NCOA1: variants seen among roughly 807,000 people sequenced by gnomAD.
NCOA1 encodes Hin-2 protein.
In NCOA1, 35 loss-of-function variants were observed where a neutral mutation model predicts 150.9. The observed-to-expected ratio is 0.23, with a 90% confidence interval of 0.18 to 0.31. The LOEUF is 0.31. Ranked by LOEUF, NCOA1 falls within the 10% of genes least tolerant of loss-of-function variation. The pLI is 1.00. For synonymous variants in NCOA1, 590 were observed against 630.0 expected, an observed-to-expected ratio of 0.94 and a Z score of 0.95; for missense variants, 1,491 against 1,749.3, an observed-to-expected ratio of 0.85 and a Z score of 2.63.
rs1015634705 is a variant in NCOA1, at chr2:24,683,140, T to C, written c.532+12T>C. The C allele has an allele frequency of 2.0e-6, 3 of 1,537,062 alleles. No homozygotes were observed. The highest frequency in any genetic ancestry group is 2.6e-6 in the Non-Finnish European group (3 of 1,149,098). The stretch of plus-strand genomic sequence containing the variant: ...ACCAAAATCACTAGGTAAACAGAAA[T>C]GTGTTTTTAAAAAGAATACTAGCTC... On this transcript the variant is annotated intron_variant, in intron 8 of 22. Transcript: ENST00000348332.
chr2:24,540,685 C>T (rs1260680048), intron 1 of NCOA1, among the ~76,000 whole-genome samples: 3 of 152,090 alleles, frequency 2.0e-5, no homozygotes, highest in Non-Finnish European at 4.4e-5. Flanking sequence ...TCTCGAACTC[C>T]TGACCTCAAG....
chr2:24,745,285 C>T (rs1265755461), intron 19 of NCOA1, among the ~76,000 whole-genome samples: 2 of 151,718 alleles, frequency 1.3e-5, no homozygotes, highest in Non-Finnish European at 2.9e-5. Context: ...CCTCAGCCTC[C>T]CGAGTAGCTG....
At chr2:24,512,880 G>T (rs921704790) in intron 1 of NCOA1, among the ~76,000 whole-genome samples, 8 of 152,164 alleles carry the variant, frequency 5.3e-5, no homozygotes, top group South Asian at 2.1e-4. Flanking sequence ...CCGTTTCTTT[G>T]ATCTCAACTC....
chr2:24,766,413 G>A (rs1055766244), intron 22 of NCOA1, among the ~76,000 whole-genome samples: 18 of 152,124 alleles, frequency 1.2e-4, no homozygotes, highest in Non-Finnish European at 2.2e-4. Context: ...GTGGTCATGT[G>A]AAGTTTCAGT....
intron 1 of NCOA1, among the ~76,000 whole-genome samples, chr2:24,529,806 T>G (rs1386989828): frequency 1.3e-5 from 2 of 152,218 alleles, no homozygotes; most frequent in Non-Finnish European, 2.9e-5. Context: ...GGTTATGCTA[T>G]AAAAACTCAT....
intron 1 of NCOA1, among the ~76,000 whole-genome samples, chr2:24,515,016 C>G (rs1339307342): frequency 1.3e-5 from 2 of 152,156 alleles, no homozygotes. Context: ...GCTTATCAAT[C>G]TGTGACCTTT....
chr2:24,702,301 T>G (rs1367882183), intron 11 of NCOA1, among the ~76,000 whole-genome samples: 2 of 152,226 alleles, frequency 1.3e-5, no homozygotes, highest in African/African-American at 4.8e-5. Context: ...GGGTAATTAT[T>G]TTTTCTGTAC....
intron 13 of NCOA1, 76 bp from the exon 14 acceptor site, chr2:24,710,855 A>C: frequency 7.2e-7 from 1 of 1,394,378 alleles, no homozygotes; most frequent in Non-Finnish European, 1.0e-6. Context: ...GAGTTTAAAG[A>C]AGCAGCATTT....
intron 13 of NCOA1, among the ~76,000 whole-genome samples, chr2:24,709,271 G>A (rs1038944824): frequency 6.6e-6 from 1 of 152,144 alleles, no homozygotes; most frequent in Non-Finnish European, 1.5e-5. Flanking sequence ...AGAACTACAG[G>A]ATAATAAGAT....
chr2:24,585,814 A>G (rs1179753545), intron 3 of NCOA1, among the ~76,000 whole-genome samples: 1 of 152,192 alleles, frequency 6.6e-6, no homozygotes, highest in Non-Finnish European at 1.5e-5. Context: ...CTGTCACAGC[A>G]TAATTATGAT....
intron 1 of NCOA1, among the ~76,000 whole-genome samples, chr2:24,532,130 CTT>C (rs1572389382): frequency 6.6e-6 from 1 of 152,174 alleles, no homozygotes; most frequent in Non-Finnish European, 1.5e-5. Flanking sequence ...TGTTTCCTGA[CTT>C]TTTGATGATC....
chr2:24,675,372 G>A (rs1671857454), intron 7 of NCOA1, among the ~76,000 whole-genome samples: 1 of 152,140 alleles, frequency 6.6e-6, no homozygotes, highest in South Asian at 2.1e-4. Flanking sequence ...TTTGTTAATG[G>A]TCTCTTAGAA....
chr2:24,645,347 A>C (rs1348579364), intron 4 of NCOA1, among the ~76,000 whole-genome samples: 1 of 150,770 alleles, frequency 6.6e-6, no homozygotes, highest in Non-Finnish European at 1.5e-5. Flanking sequence ...AAAAAAAAAA[A>C]AAAAAATTAG....
At chr2:24,526,723 A>AT (rs1027534495) in intron 1 of NCOA1, among the ~76,000 whole-genome samples, 369 of 152,206 alleles carry the variant, frequency 2.4e-3, no homozygotes, top group Admixed American at 6.4e-3. Flanking sequence ...TCAAAAAAAA[A>AT]AAATTAATAA....
intron 1 of NCOA1, among the ~76,000 whole-genome samples, chr2:24,524,682 A>G (rs1436723312): frequency 6.6e-6 from 1 of 151,638 alleles, no homozygotes; most frequent in African/African-American, 2.4e-5. Context: ...ATCTCAGCTC[A>G]CTGCAACCTC....
intron 19 of NCOA1, among the ~76,000 whole-genome samples, chr2:24,746,434 C>T (rs1663923572): frequency 6.6e-6 from 1 of 151,960 alleles, no homozygotes; most frequent in South Asian, 2.1e-4. Flanking sequence ...TCCAGCTACT[C>T]GGGAGGCTGA....
intron 18 of NCOA1, among the ~76,000 whole-genome samples, chr2:24,741,169 T>C (rs1322326793): frequency 6.6e-6 from 1 of 152,160 alleles, no homozygotes; most frequent in Non-Finnish European, 1.5e-5. Context: ...TTTTTTCTAA[T>C]TGTAAAGGTA....
intron 1 of NCOA1, among the ~76,000 whole-genome samples, chr2:24,540,522 G>A (rs1352479393): frequency 3.3e-5 from 5 of 151,562 alleles, no homozygotes; most frequent in South Asian, 4.2e-4. Flanking sequence ...GCAGTGGTGC[G>A]ATCTTGGCTC....
chr2:24,547,622 A>G (rs1340515608), intron 1 of NCOA1, among the ~76,000 whole-genome samples: 36 of 152,198 alleles, frequency 2.4e-4, no homozygotes, highest in Non-Finnish European at 5.9e-5. Context: ...GTATGGCAAA[A>G]TATTGCAAAT....
Sources: gnomAD v4.1 joint callset for allele counts (sites outside exome capture counted in the v4.1 genomes callset) on GRCh38, gnomAD v4.1.1 for gene constraint, MANE v1.5 for transcripts, NCBI Gene and HGNC (gene_info 2026-07-23, HGNC 2026-07-21) for gene names.